The following DENND3 variants were observed in gnomAD, a reference collection of about 807,000 sequenced individuals.
The protein encoded by DENND3 is DENN domain containing 3.
Under a neutral mutation model 135.1 loss-of-function variants are expected in DENND3, and 88 were observed. The observed-to-expected ratio is 0.65, with a 90% confidence interval of 0.55 to 0.78. The LOEUF is 0.78. DENND3 is among the 30% of genes least tolerant of loss of function. The pLI, the probability that DENND3 is intolerant of heterozygous loss-of-function variation, is 0.00. For synonymous variants in DENND3, 693 were observed against 712.3 expected, an observed-to-expected ratio of 0.97 and a Z score of 0.43; for missense variants, 1,392 against 1,688.4, an observed-to-expected ratio of 0.82 and a Z score of 3.08.
intron 19 of DENND3, 27 bp downstream of exon 19, chr8:141,189,173 GGACT>G: frequency 6.2e-7 from 1 of 1,613,860 alleles, no homozygotes; most frequent in Non-Finnish European, 8.5e-7. Context: ...TGGGGAGAAG[GGACT>G]GTTTGGCTTG....
At position 141,163,407 on chromosome 8, in the gene DENND3, G is replaced by C; in HGVS notation, c.1427G>C (p.Gly476Ala). Residue 476 changes from glycine to alanine, a missense_variant, in exon 10 of 23, where the codon GGG (glycine) becomes GCG (alanine). Physicochemically the swap from Gly to Ala is moderately conservative, Grantham distance 60. Transcript: ENST00000519811. ...GAATTTCTCAAAACCAGGGCTCCAGGGGACCATCAGTTTTATAAGCAGGTG... is the reference window on the plus strand; with the variant it reads ...GAATTTCTCAAAACCAGGGCTCCAGCGGACCATCAGTTTTATAAGCAGGTG... The part of the protein sequence containing the change: ...SEEFLKTRAP[G>A]DHQFYKQVLD... The C allele has an allele frequency of 6.2e-7, 1 of 1,612,642 alleles. No homozygotes were observed. Among genetic ancestry groups the C allele is most frequent in the Non-Finnish European group, 8.5e-7 (1 of 1,178,776 alleles).
intron 9 of DENND3, 66 bp from the exon 10 acceptor site, chr8:141,163,267 A>G (rs950486308): frequency 7.8e-6 from 7 of 895,872 alleles, no homozygotes; most frequent in Middle Eastern, 2.4e-4. Flanking sequence ...CTCTGCTACT[A>G]AAAGTGGTAT....
Position 141,150,851 on chromosome 8 carries a change from G to T in DENND3, c.753G>T (p.Ser251=), listed in dbSNP as rs765760064. 1 of 1,602,874 alleles carries T rather than the reference G, an allele frequency of 6.2e-7. No homozygotes were observed. Among genetic ancestry groups the T allele is most frequent in the African/African-American group, 1.3e-5 (1 of 74,288 alleles). Residue 251 remains serine (S), a synonymous_variant, in exon 6 of 23, where the codon TCG becomes TCT. Transcript: ENST00000519811. ...GPLHLVFNMK[S]LQIVLPARAD... Reference sequence around the variant, plus strand: ...TGTCGTAGGTATTTAACATGAAGTCGCTCCAGATTGTGTTACCTGCCCGAG... The same window carrying T: ...TGTCGTAGGTATTTAACATGAAGTCTCTCCAGATTGTGTTACCTGCCCGAG...
At position 141,138,081 on chromosome 8, in the gene DENND3, G is replaced by A. The variant is rs753359074; in HGVS notation, c.445G>A (p.Asp149Asn). Residue 149 changes from aspartate to asparagine, a missense_variant, in exon 3 of 23, where the codon GAT becomes AAT. Physicochemically the swap from Asp to Asn is conservative, Grantham distance 23. Coordinates refer to ENST00000519811, the MANE Select transcript of DENND3 (RefSeq NM_001352890.3). The surrounding 1 kb of genome is among the most constrained non-coding windows in gnomAD (Gnocchi z 4.8). ...TTGCGTCCACTTCCTGGTGCTGACCGATGTCTGCGGGAATAGGACCTATGG... is the reference window on the plus strand; with the variant it reads ...TTGCGTCCACTTCCTGGTGCTGACCAATGTCTGCGGGAATAGGACCTATGG... The part of the protein sequence containing the change: ...EDCVHFLVLT[D>N]VCGNRTYGVV... 2.9e-5 allele frequency: 46 copies of A among 1,610,180 alleles called. No individual in the cohort carries two copies. The highest frequency in any genetic ancestry group is 1.1e-4 in the South Asian group (10 of 90,036).
At chr8:141,156,981 A>C (rs778932314) in intron 8 of DENND3, among the ~76,000 whole-genome samples, 1 of 151,544 alleles carries the variant, frequency 6.6e-6, no homozygotes, top group Non-Finnish European at 1.5e-5. Flanking sequence ...GATGGGTTTC[A>C]CTATGTTGGC....
chr8:141,168,716 A>ATT lies in DENND3; in HGVS notation c.2275+191_2275+192insTT, dbSNP rs1821119611. Among the ~76,000 whole-genome samples the ATT allele has an allele frequency of 6.6e-6, 1 of 151,884 alleles. No homozygotes were observed. The highest frequency in any genetic ancestry group is 1.5e-5 in the Non-Finnish European group (1 of 67,954). On this transcript the variant is annotated intron_variant, in intron 13 of 22. Transcript: ENST00000519811. This position sits in a 1 kb window ranked among gnomAD's most constrained non-coding sequence, Gnocchi z 6.2. ...CAGGTACGCGACACCGTGCCCGGCT[A>ATT]ATTTTAGTATTTTTTGTAGAGACAG...
rs1291941080 is a variant in DENND3 at position 141,160,666 on chromosome 8, G to A, written c.1231G>A (p.Ala411Thr). Residue 411 changes from alanine (A) to threonine (T), a missense_variant, in exon 9 of 23, where the codon GCC becomes ACC. Ala to Thr is a moderately conservative substitution (Grantham distance 58). Transcript: ENST00000519811. ...QSLQLHHELHAAHLLSSTDLK... is the reference protein window; with the variant it reads ...QSLQLHHELHTAHLLSSTDLK... ...CCTCCAGCTCCACCATGAGCTGCAC[G>A]CCGCCCACCTCCTCTCCAGCACAGA... 6.8e-6 allele frequency: 11 copies of A among 1,610,098 alleles called. No homozygotes were observed. Among genetic ancestry groups the A allele is most frequent in the South Asian group, 2.2e-5 (2 of 90,956 alleles).
intron 19 of DENND3, 70 bp from the exon 20 acceptor site, chr8:141,190,212 CTT>C: frequency 6.9e-7 from 1 of 1,452,252 alleles, no homozygotes; most frequent in Non-Finnish European, 9.1e-7. Context: ...TTGGTTCTCT[CTT>C]GGGTTAAAAT....
chr8:141,180,706 T>G (rs1428186400), intron 16 of DENND3, 41 bp from the exon 17 acceptor site: 23 of 1,570,220 alleles, frequency 1.5e-5, no homozygotes, highest in Non-Finnish European at 1.8e-5. Context: ...TCTGTTTCCT[T>G]GAGGCTGCAA....
chr8:141,166,247 G>A lies in DENND3; in HGVS notation c.1611G>A (p.Arg537=). 1 of 1,614,174 alleles carries A rather than the reference G, an allele frequency of 6.2e-7. No homozygotes were observed. The highest frequency in any genetic ancestry group is 8.5e-7 in the Non-Finnish European group (1 of 1,180,044). ...CGACCGTTGAGAAAAGAGCCTCCCGGAAGTCCTCGCACCTGCATGTCACCC... is the reference window on the plus strand; with the variant it reads ...CGACCGTTGAGAAAAGAGCCTCCCGAAAGTCCTCGCACCTGCATGTCACCC... ...RRPTVEKRAS[R]KSSHLHVTHR... The change falls in exon 12 of 23, where the codon CGG becomes CGA. Residue 537 remains arginine (R), a synonymous_variant. Transcript: ENST00000519811. This position sits in a 1 kb window ranked among gnomAD's most constrained non-coding sequence, Gnocchi z 4.3.
At chr8:141,157,471 C>G (rs1819582514) in intron 8 of DENND3, 1 of 985,508 alleles carries the variant, frequency 1.0e-6, no homozygotes, top group Non-Finnish European at 1.2e-6. Flanking sequence ...CAGCCAGGCC[C>G]TGAGTGCGGT....
At position 141,182,780 on chromosome 8, in the gene DENND3, A is replaced by AG. The variant is rs1235328888; in HGVS notation, c.2944+1927dup. ...AAGGGGGAGTCTTGTTATTCCCATT[A>AG]GCTTGGGGCTGGGTCTCCGACAGGT... On this transcript the variant is annotated intron_variant, in intron 17 of 22. Transcript: ENST00000519811. The surrounding 1 kb of genome is among the most constrained non-coding windows in gnomAD (Gnocchi z 5.9). Among the ~76,000 whole-genome samples the AG allele has an allele frequency of 6.6e-6, 1 of 152,134 alleles. No homozygotes were observed. The highest frequency in any genetic ancestry group is 2.4e-5 in the African/African-American group (1 of 41,430).
rs1292372644 is a variant in DENND3, at chr8:141,145,829, ATATATATATATATATATATATGTAT to A, written c.735+1572_735+1596del. Among the ~76,000 whole-genome samples, 267 of 36,404 alleles carry A rather than the reference ATATATATATATATATATATATGTAT, an allele frequency of 7.3e-3. 10 individuals carry two copies. Among genetic ancestry groups the A allele is most frequent in the African/African-American group, 0.039 (258 of 6,680 alleles). The allele number at this position is 36,404 out of a possible 152,430, so 23.9% of individuals were successfully genotyped here. ...TATATATATATATATATATATATATATATATATATATATATATATATGTATTTTTTTTTTTTTGAGGCGGAGTCTT... is the reference window on the plus strand; with the variant it reads ...TATATATATATATATATATATATATATTTTTTTTTTTTGAGGCGGAGTCTT... On this transcript the variant is annotated intron_variant, in intron 5 of 22. Transcript: ENST00000519811.
chr8:141,156,791 C>CTTT (rs34035594), intron 8 of DENND3, among the ~76,000 whole-genome samples: 27 of 123,188 alleles, frequency 2.2e-4, no homozygotes, highest in Middle Eastern at 4.1e-3. Context: ...TTTTTCTTTC[C>CTTT]TTTTTTTTTT....
At position 141,151,845 on chromosome 8, in the gene DENND3, A is replaced by G. The variant is rs1161440993; in HGVS notation, c.1074+8A>G. 1.2e-6 allele frequency: 2 copies of G among 1,613,584 alleles called. No individual in the cohort carries two copies. Among genetic ancestry groups the G allele is most frequent in the Non-Finnish European group, 1.7e-6 (2 of 1,179,746 alleles). ...TTCGAAGAAGTCAGCAAGGTTAGGT[A>G]GCGAACCTTTGACTTGGAATGCTAA... On this transcript the variant is annotated splice_region_variant and intron_variant, in intron 7 of 22. Coordinates refer to ENST00000519811, the MANE Select transcript of DENND3 (RefSeq NM_001352890.3).
At chr8:141,192,995 A>T in intron 22 of DENND3, 1 of 962,880 alleles carries the variant, frequency 1.0e-6, no homozygotes, top group Non-Finnish European at 1.4e-6. Flanking sequence ...GCTCGGGGGG[A>T]GCGTGCACTC....
At chr8:141,151,099 C>G (rs986249459) in intron 6 of DENND3, 146 bp downstream of exon 6, 1 of 1,260,162 alleles carries the variant, frequency 7.9e-7, no homozygotes, top group African/African-American at 1.5e-5. Flanking sequence ...TTTTTTAAAG[C>G]CAATGTTCCC....
chr8:141,175,336 G>C lies in DENND3; in HGVS notation c.2412G>C (p.Lys804Asn). The C allele has an allele frequency of 1.2e-6, 2 of 1,614,254 alleles. No homozygotes were observed. Among genetic ancestry groups the C allele is most frequent in the Non-Finnish European group, 1.7e-6 (2 of 1,180,044 alleles). Residue 804 changes from lysine (K) to asparagine (N), a missense_variant, in exon 14 of 23, where the codon AAG becomes AAC. Coordinates refer to ENST00000519811, the MANE Select transcript of DENND3 (RefSeq NM_001352890.3). The surrounding 1 kb of genome is among the most constrained non-coding windows in gnomAD (Gnocchi z 5.4). ...TGGATAAAAACGAGTGTGTGTGTAA[G>C]TTGTCCAGCTCCGTCAAGACAAACC... ...EHLDKNECVC[K>N]LSSSVKTNLG... is the part of the protein sequence containing the mutation.
chr8:141,160,866 C>T (rs1820053524), intron 9 of DENND3, 79 bp downstream of exon 9: 2 of 1,522,134 alleles, frequency 1.3e-6, no homozygotes, highest in Non-Finnish European at 1.8e-6. Flanking sequence ...TGCACCCCGC[C>T]CCAGAGGGCA....
Sources: gnomAD v4.1 joint callset for allele counts (sites outside exome capture counted in the v4.1 genomes callset) on GRCh38, gnomAD v4.1.1 for gene constraint, Gnocchi (gnomAD v3.1) non-coding constraint, MANE v1.5 for transcripts, NCBI Gene and HGNC (gene_info 2026-07-23, HGNC 2026-07-21) for gene names.